Variants in CETN3 observed in about 807,000 individuals in gnomAD.
The protein encoded by CETN3 is centrin-3.
In CETN3, 17 loss-of-function variants were observed where a neutral mutation model predicts 20.1. The observed-to-expected ratio is 0.85, with a 90% confidence interval of 0.58 to 1.27. The LOEUF (loss-of-function observed/expected upper bound fraction) is 1.27, where lower values mean the gene tolerates loss of function less well. Ranked by LOEUF, CETN3 falls within the 50% of genes most tolerant of loss-of-function variation. CETN3 has a pLI of 0.00. For synonymous variants in CETN3, 52 were observed against 59.7 expected, an observed-to-expected ratio of 0.87 and a Z score of 0.59; for missense variants, 169 against 191.2, an observed-to-expected ratio of 0.88 and a Z score of 0.69.
chr5:90,407,146 A>G (rs936444058), intron 2 of CETN3, among the ~76,000 whole-genome samples: 1 of 151,962 alleles, frequency 6.6e-6, no homozygotes, highest in Admixed American at 6.6e-5. Flanking sequence ...CTCTCCTTAT[A>G]CCCTGACAAA....
rs1383422090 is a variant in CETN3 at position 90,393,091 on chromosome 5, C to G, written c.*973G>C. 6.6e-6 allele frequency: 1 copy of G among 152,146 alleles called. No individual in the cohort carries two copies. The highest frequency in any genetic ancestry group is 6.6e-5 in the Admixed American group (1 of 15,264). 9.4% of individuals were successfully genotyped at this position (152,146 alleles called of 1,614,324 possible). A position where few individuals can be genotyped will look rare whatever the true frequency, so the allele number is the denominator to read the frequency against. ...GGTACTATTTTTTTCTATGATCGAT[C>G]TCCATAACCACTTGTTTCCCCCTAA... On this transcript the variant is annotated 3_prime_UTR_variant, in exon 5 of 5. Coordinates refer to ENST00000283122, the MANE Select transcript of CETN3 (RefSeq NM_004365.4).
chr5:90,395,983 C>A (rs1217361072), intron 4 of CETN3: 58 of 888,142 alleles, frequency 6.5e-5, no homozygotes, highest in Non-Finnish European at 7.4e-5. Context: ...ACACAAAATA[C>A]TATTTATTAT....
intron 4 of CETN3, among the ~76,000 whole-genome samples, chr5:90,395,066 C>CACAGCTCTGCACAGA (rs1749106783): frequency 6.6e-6 from 1 of 152,148 alleles, no homozygotes; most frequent in African/African-American, 2.4e-5. Context: ...GGTCTCTAGT[C>CACAGCTCTGCACAGA]ACAGCTCTGC....
intron 2 of CETN3, among the ~76,000 whole-genome samples, chr5:90,406,206 T>C (rs533787993): frequency 1.3e-5 from 2 of 152,154 alleles, no homozygotes; most frequent in East Asian, 3.9e-4. Context: ...CATCAGTCTT[T>C]CCATGATTAG....
chr5:90,401,824 T>C (rs949827872), intron 3 of CETN3, among the ~76,000 whole-genome samples: 1 of 152,156 alleles, frequency 6.6e-6, no homozygotes, highest in Non-Finnish European at 1.5e-5. Flanking sequence ...TCAGGTCCTA[T>C]AGTACTGAGA....
At chr5:90,399,004 G>A (rs779955220) in intron 4 of CETN3, 7 of 386,718 alleles carry the variant, frequency 1.8e-5, no homozygotes, top group Non-Finnish European at 3.3e-5. Context: ...AACTAGGACA[G>A]CCACAATGGA....
At chr5:90,405,536 C>A (rs1749414096) in intron 3 of CETN3, 149 bp downstream of exon 3, 43 of 534,520 alleles carry the variant, frequency 8.0e-5, no homozygotes, top group South Asian at 3.4e-4. Flanking sequence ...GAAAAAAAAA[C>A]CAACAAAACA....
intron 3 of CETN3, among the ~76,000 whole-genome samples, chr5:90,403,580 C>G (rs1484208310): frequency 6.6e-6 from 1 of 152,090 alleles, no homozygotes; most frequent in Non-Finnish European, 1.5e-5. Context: ...CAATAAAAAT[C>G]ACAATTTTTG....
At chr5:90,403,935 A>ATAAC (rs1477933674) in intron 3 of CETN3, among the ~76,000 whole-genome samples, 1 of 151,736 alleles carries the variant, frequency 6.6e-6, no homozygotes, top group Non-Finnish European at 1.5e-5. Flanking sequence ...TTAAGGTGAA[A>ATAAC]TAACATATTT....
intron 4 of CETN3, chr5:90,399,090 A>T (rs1262011137): frequency 1.8e-6 from 1 of 571,004 alleles, no homozygotes; most frequent in Non-Finnish European, 3.1e-6. Context: ...AGGTTGAGGG[A>T]GAAGCCATTA....
chr5:90,405,890 C>T, intron 2 of CETN3, 91 bp from the exon 3 acceptor site: 1 of 753,148 alleles, frequency 1.3e-6, no homozygotes, highest in Non-Finnish European at 2.2e-6. Context: ...GAGATGACAA[C>T]ACATTAATAA....
At chr5:90,396,720 C>G (rs1012022166) in intron 4 of CETN3, among the ~76,000 whole-genome samples, 4 of 152,074 alleles carry the variant, frequency 2.6e-5, no homozygotes, top group Non-Finnish European at 4.4e-5. Context: ...AATTTCAATA[C>G]TCAAACTGCA....
At chr5:90,407,057 AT>A (rs1322296855) in intron 2 of CETN3, among the ~76,000 whole-genome samples, 8 of 152,172 alleles carry the variant, frequency 5.3e-5, no homozygotes, top group African/African-American at 1.7e-4. Context: ...TCACCTATCC[AT>A]TAAGGCCATT....
chr5:90,401,220 G>T (rs976885655), intron 3 of CETN3, among the ~76,000 whole-genome samples: 1 of 152,038 alleles, frequency 6.6e-6, no homozygotes, highest in African/African-American at 2.4e-5. Flanking sequence ...TTAAAATGCA[G>T]CTTTTCTTGG....
At chr5:90,399,671 T>C in intron 3 of CETN3, 122 bp from the exon 4 acceptor site, 1 of 745,942 alleles carries the variant, frequency 1.3e-6, no homozygotes, top group South Asian at 2.0e-5. Context: ...AGTCTGACAA[T>C]AAAATGTCAA....
intron 3 of CETN3, among the ~76,000 whole-genome samples, chr5:90,401,669 T>C (rs1007619409): frequency 1.4e-4 from 22 of 152,144 alleles, no homozygotes; most frequent in African/African-American, 5.1e-4. Context: ...ACATACCAGT[T>C]AGACATGTTG....
chr5:90,406,575 C>T (rs1314729708), intron 2 of CETN3, among the ~76,000 whole-genome samples: 1 of 151,208 alleles, frequency 6.6e-6, no homozygotes, highest in Non-Finnish European at 1.5e-5. Context: ...TAGTTGGTGG[C>T]AAAAGTGTAG....
intron 3 of CETN3, among the ~76,000 whole-genome samples, chr5:90,403,647 G>A (rs931878611): frequency 4.0e-5 from 6 of 151,758 alleles, no homozygotes; most frequent in South Asian, 4.2e-4. Context: ...CGAGGCGGGC[G>A]GATCACGAGG....
In CETN3 at chr5:90,409,745, G is replaced by T; in HGVS notation, c.-84C>A. 6.6e-7 allele frequency: 1 copy of T among 1,520,412 alleles called. No homozygotes were observed. The highest frequency in any genetic ancestry group is 9.1e-7 in the Non-Finnish European group (1 of 1,095,380). 94.2% of individuals were successfully genotyped at this position (1,520,412 alleles called of 1,614,324 possible). On this transcript the variant is annotated 5_prime_UTR_variant, in exon 1 of 5. In the 5' UTR this introduces an upstream ATG that the reference lacks. Coordinates refer to ENST00000283122, the MANE Select transcript of CETN3 (RefSeq NM_004365.4). ...GCAAGACGCCCACAGCCGTTCAACA[G>T]ACACGAACGACCTCAGCGGCCTCAG...
Sources: gnomAD v4.1 joint callset for allele counts (sites outside exome capture counted in the v4.1 genomes callset) on GRCh38, gnomAD v4.1.1 for gene constraint, MANE v1.5 for transcripts, NCBI Gene and HGNC (gene_info 2026-07-23, HGNC 2026-07-21) for gene names.